The following SASH1 variants were observed in gnomAD, a reference collection of about 807,000 sequenced individuals.
SASH1 encodes SAM and SH3 domain-containing protein 1.
In SASH1, 44 loss-of-function variants were observed where a neutral mutation model predicts 125.2. The ratio of observed to expected loss-of-function variants is 0.35; its 90% confidence interval spans 0.28 to 0.45. SASH1 has a LOEUF of 0.45. SASH1 is among the 20% of genes least tolerant of loss of function. The pLI, the probability that SASH1 is intolerant of heterozygous loss-of-function variation, is 1.00. For synonymous variants in SASH1, 639 were observed against 649.1 expected (o/e 0.98, Z 0.24); for missense variants, 1,426 against 1,614.5 (o/e 0.88, Z 2.00).
At position 148,533,934 on chromosome 6, in the gene SASH1, C is replaced by A. The variant is rs1184247756; in HGVS notation, c.1898C>A (p.Pro633His). The part of the protein sequence containing the change: ...PTRRRRKGRP[P>H]QPKSVEDLLD... ...AGGAGGCGTCGGAAAGGACGACCAC[C>A]CCAGCCCAAGTCTGTGGAGGATCTC... The change falls in exon 15 of 20, where the codon CCC (proline) becomes CAC (histidine). Residue 633 changes from proline to histidine, a missense_variant. Physicochemically the swap from Pro to His is moderately conservative, Grantham distance 77 (BLOSUM62 -2). This residue lies in a region of SASH1 where 225 missense variants were observed against 344.5 expected (regional missense o/e 0.65). Coordinates refer to ENST00000367467, the MANE Select transcript of SASH1 (RefSeq NM_015278.5). This position sits in a 1 kb window ranked among gnomAD's most constrained non-coding sequence, Gnocchi z 6.2. 6.2e-7 allele frequency: 1 copy of A among 1,613,962 alleles called. No homozygotes were observed. Among genetic ancestry groups the A allele is most frequent in the Non-Finnish European group, 8.5e-7 (1 of 1,179,908 alleles).
the SASH1 span, among the ~76,000 whole-genome samples, chr6:148,197,513 C>CAGGT: frequency 6.6e-6 from 1 of 152,234 alleles, no homozygotes; most frequent in Admixed American, 6.5e-5. Context: ...TATCAGTCCC[C>CAGGT]ATCCTGAGAG....
intron 1 of SASH1, among the ~76,000 whole-genome samples, chr6:148,388,834 T>C (rs996875216): frequency 1.3e-5 from 2 of 152,150 alleles, no homozygotes; most frequent in African/African-American, 4.8e-5. Context: ...ACTGAAGGGG[T>C]TGGCTAGCAG....
At chr6:148,422,638 A>C (rs1398602817) in intron 2 of SASH1, among the ~76,000 whole-genome samples, 1 of 152,250 alleles carries the variant, frequency 6.6e-6, no homozygotes, top group Non-Finnish European at 1.5e-5. Flanking sequence ...TGGGTATTTT[A>C]AATTTCATTT....
chr6:148,396,478 G>GAAAAA lies in SASH1; in HGVS notation c.285+6237_285+6241dup, dbSNP rs61277112. Among the ~76,000 whole-genome samples, 100 of 63,774 alleles carry GAAAAA rather than the reference G, an allele frequency of 1.6e-3. 1 individual carries two copies. Among genetic ancestry groups the GAAAAA allele is most frequent in the Admixed American group, 3.6e-3 (16 of 4,430 alleles). The allele number at this position is 63,774 out of a possible 152,430, so 41.8% of individuals were successfully genotyped here. On this transcript the variant is annotated intron_variant, in intron 2 of 19. Coordinates refer to ENST00000367467, the MANE Select transcript of SASH1 (RefSeq NM_015278.5). ...GGTGCCAGAGTGAGACTGCATCTCA[G>GAAAAA]AAAAAAAAAAAAAAAAAAAAAAAAA... is the stretch of plus-strand genomic sequence containing the variant.
intron 1 of SASH1, among the ~76,000 whole-genome samples, chr6:148,351,201 T>TG (rs1280996556): frequency 6.6e-6 from 1 of 151,114 alleles, no homozygotes; most frequent in East Asian, 1.9e-4. Flanking sequence ...GTTTTTTTTT[T>TG]TTTTTTTTTT....
chr6:148,531,439 T>C, intron 12 of SASH1, 87 bp from the exon 13 acceptor site: 1 of 1,218,452 alleles, frequency 8.2e-7, no homozygotes, highest in Non-Finnish European at 1.1e-6. Context: ...ATTTGATTGA[T>C]TTCGTTGAAG....
At chr6:148,331,709 G>C (rs923377966) in intron 1 of SASH1, among the ~76,000 whole-genome samples, 2 of 152,016 alleles carry the variant, frequency 1.3e-5, no homozygotes, top group Non-Finnish European at 2.9e-5. Flanking sequence ...AAACATTTCA[G>C]AGAAAAATTT....
chr6:148,216,445 C>T, the SASH1 span, among the ~76,000 whole-genome samples: 1 of 152,106 alleles, frequency 6.6e-6, no homozygotes, highest in East Asian at 1.9e-4. Flanking sequence ...GGGGGAAAAA[C>T]ATGAAGCATA....
Position 148,533,752 on chromosome 6 carries a change from T to C in SASH1, c.1735-19T>C. 6.2e-7 allele frequency: 1 copy of C among 1,605,088 alleles called. No individual in the cohort carries two copies. Among genetic ancestry groups the C allele is most frequent in the Non-Finnish European group, 8.5e-7 (1 of 1,173,928 alleles). ...ATGGAATGTACCTAATGGAAAGATCTTTGCTCCCTGGGCCACAGAAAGGAG... is the reference window on the plus strand; with the variant it reads ...ATGGAATGTACCTAATGGAAAGATCCTTGCTCCCTGGGCCACAGAAAGGAG... On this transcript the variant is annotated intron_variant, in intron 14 of 19. Transcript: ENST00000367467. This position sits in a 1 kb window ranked among gnomAD's most constrained non-coding sequence, Gnocchi z 6.2.
intron 8 of SASH1, chr6:148,512,631 T>G (rs527663377): frequency 4.1e-6 from 4 of 983,218 alleles, no homozygotes; most frequent in South Asian, 9.4e-5. Context: ...TATTCTAATT[T>G]TTTATATTTT....
At chr6:148,536,321 TTTTTG>T (rs796351067) in intron 16 of SASH1, among the ~76,000 whole-genome samples, 106 of 151,816 alleles carry the variant, frequency 7.0e-4, no homozygotes, top group African/African-American at 2.3e-3. Context: ...ACAGCTGGGG[TTTTTG>T]TTTTGTTTTG....
At chr6:148,426,859 G>A (rs1269036471) in intron 2 of SASH1, among the ~76,000 whole-genome samples, 1 of 152,152 alleles carries the variant, frequency 6.6e-6, no homozygotes, top group Non-Finnish European at 1.5e-5. Flanking sequence ...TAGTGGTCGG[G>A]CACGGTGGCT....
chr6:148,542,160 G>A (rs1204155422), intron 17 of SASH1, among the ~76,000 whole-genome samples: 5 of 152,144 alleles, frequency 3.3e-5, no homozygotes, highest in Non-Finnish European at 7.3e-5. Context: ...GATTGCTAGC[G>A]AACCATACTT....
intron 2 of SASH1, among the ~76,000 whole-genome samples, chr6:148,414,137 A>G (rs1250006124): frequency 6.6e-6 from 1 of 152,146 alleles, no homozygotes. Context: ...AACAAAAATT[A>G]TTATGTAAGG....
chr6:148,508,550 G>A (rs1249031351), intron 8 of SASH1: 3 of 1,041,530 alleles, frequency 2.9e-6, no homozygotes, highest in Non-Finnish European at 3.5e-6. Flanking sequence ...TTTCCTTGTG[G>A]TGAATAGGAG....
chr6:148,268,173 T>C (rs17078238), upstream of SASH1, among the ~76,000 whole-genome samples: 1,026 of 152,282 alleles, frequency 6.7e-3, 10 homozygotes, highest in African/African-American at 0.022. Flanking sequence ...AATCAAACAA[T>C]TTGGGATGCT....
intron 2 of SASH1, among the ~76,000 whole-genome samples, chr6:148,392,157 A>G (rs1783752013): frequency 6.6e-6 from 1 of 152,082 alleles, no homozygotes; most frequent in South Asian, 2.1e-4. Flanking sequence ...GTGGTGGCGC[A>G]TGCCTCTAAT....
chr6:148,509,002 T>G, intron 8 of SASH1: 1 of 522,360 alleles, frequency 1.9e-6, no homozygotes, highest in Non-Finnish European at 3.4e-6. Context: ...TCTAGATTTG[T>G]CCTTCTTCGC....
At chr6:148,386,669 C>T (rs1438708302) in intron 1 of SASH1, among the ~76,000 whole-genome samples, 1 of 152,180 alleles carries the variant, frequency 6.6e-6, no homozygotes, top group African/African-American at 2.4e-5. Context: ...TGGATGAGGA[C>T]AGCATCACGT....
Sources: gnomAD v4.1 joint callset for allele counts (sites outside exome capture counted in the v4.1 genomes callset) on GRCh38, gnomAD v4.1.1 for gene constraint, gnomAD v4.1.1 regional missense constraint, Gnocchi (gnomAD v3.1) non-coding constraint, MANE v1.5 for transcripts, NCBI Gene and HGNC (gene_info 2026-07-23, HGNC 2026-07-21) for gene names.